The following ARHGAP32 variants were observed in gnomAD, a reference collection of about 807,000 sequenced individuals.
The protein encoded by ARHGAP32 is Rho GTPase activating protein 32, also known as rho GTPase-activating protein 32.
In ARHGAP32, 51 loss-of-function variants were observed where a neutral mutation model predicts 186.5. The observed-to-expected ratio is 0.27, with a 90% CI of 0.22 to 0.35. The LOEUF (loss-of-function observed/expected upper bound fraction) is 0.35, where lower values mean the gene tolerates loss of function less well. ARHGAP32 is among the 10% of genes least tolerant of loss of function. The pLI is 1.00. For missense variants in ARHGAP32, 2,186 were observed against 2,623.5 expected (o/e 0.83, Z 3.64); for synonymous variants, 950 against 964.3 (o/e 0.99, Z 0.27).
chr11:129,190,154 G>A (rs1031287592), intron 1 of ARHGAP32, among the ~76,000 whole-genome samples: 1 of 152,148 alleles, frequency 6.6e-6, no homozygotes, highest in Non-Finnish European at 1.5e-5. Flanking sequence ...ATACCACACT[G>A]AGTCTACTAT....
Position 128,969,286 on chromosome 11 carries a change from T to A in ARHGAP32, c.5927A>T (p.His1976Leu), listed in dbSNP as rs564817194. 1.1e-5 allele frequency: 17 copies of A among 1,614,028 alleles called. No homozygotes were observed. The South Asian group carries it at 1.9e-4, about 18-fold the overall frequency. The change falls in exon 23 of 23, where the codon CAC becomes CTC. Residue 1976 changes from histidine to leucine, a missense_variant. Transcript: ENST00000682385. The surrounding 1 kb of genome is among the most constrained non-coding windows in gnomAD (Gnocchi z 4.8). ...WVRQPSAPEK[H>L]SRDCYKEEEH... ...TTCCTCCTTGTAGCAGTCTCTGGAG[T>A]GTTTCTCTGGGGCAGAAGGCTGCCT...
At chr11:129,136,487 T>G (rs539921697) in intron 2 of ARHGAP32, among the ~76,000 whole-genome samples, 27 of 152,212 alleles carry the variant, frequency 1.8e-4, no homozygotes, top group Admixed American at 1.6e-3. Flanking sequence ...CTTCTCTGTA[T>G]GTAAGATATA....
intron 1 of ARHGAP32, among the ~76,000 whole-genome samples, chr11:129,198,574 C>T (rs1273275319): frequency 6.6e-6 from 1 of 152,190 alleles, no homozygotes; most frequent in Non-Finnish European, 1.5e-5. Flanking sequence ...TCTTTGCTGG[C>T]TGCCATGTAA....
chr11:128,966,185 T>C lies in ARHGAP32; in HGVS notation c.*2722A>G, dbSNP rs1389541388. On this transcript the variant is annotated 3_prime_UTR_variant, in exon 23 of 23. Transcript: ENST00000682385. ...GCCAAAAAGATAAAATCTGGAGGCA[T>C]GGCTATGAAAATGTCAATAGGATTA... 1 of 152,222 alleles carries C rather than the reference T, an allele frequency of 6.6e-6. No individual in the cohort carries two copies. The highest frequency in any genetic ancestry group is 1.9e-4 in the East Asian group (1 of 5,204). The allele number at this position is 152,222 out of a possible 1,614,324, so 9.4% of individuals were successfully genotyped here.
At chr11:129,228,067 A>G (rs1944809667) in intron 1 of ARHGAP32, among the ~76,000 whole-genome samples, 1 of 152,284 alleles carries the variant, frequency 6.6e-6, no homozygotes, top group South Asian at 2.1e-4. Context: ...TTAGAGATTA[A>G]TAACAAGGAG....
chr11:129,086,025 A>G (rs571055064), intron 6 of ARHGAP32, among the ~76,000 whole-genome samples: 9 of 151,420 alleles, frequency 5.9e-5, no homozygotes, highest in Admixed American at 1.3e-4. Flanking sequence ...AACAAAAAAA[A>G]AAAACAAAAA....
intron 1 of ARHGAP32, among the ~76,000 whole-genome samples, chr11:129,241,842 A>C (rs1372425890): frequency 6.6e-6 from 1 of 152,222 alleles, no homozygotes; most frequent in Admixed American, 6.5e-5. Context: ...AAAATTTTAA[A>C]AAGTATTCAG....
upstream of ARHGAP32, among the ~76,000 whole-genome samples, chr11:129,192,507 C>A (rs1407009268): frequency 1.3e-5 from 2 of 152,170 alleles, no homozygotes; most frequent in Admixed American, 6.5e-5. Context: ...AATGACTCTT[C>A]TCAAAGTTTC....
chr11:129,011,064 G>C (rs1231585109), intron 11 of ARHGAP32, among the ~76,000 whole-genome samples: 1 of 152,184 alleles, frequency 6.6e-6, no homozygotes, highest in East Asian at 1.9e-4. Flanking sequence ...ATGGGGAACA[G>C]GAGAGACAAG....
At chr11:129,129,549 T>C (rs1226079993) in intron 2 of ARHGAP32, among the ~76,000 whole-genome samples, 1 of 152,222 alleles carries the variant, frequency 6.6e-6, no homozygotes, top group Non-Finnish European at 1.5e-5. Flanking sequence ...AACAGCTCAT[T>C]GAGAACGGGC....
intron 11 of ARHGAP32, among the ~76,000 whole-genome samples, chr11:129,018,880 T>G (rs1020291284): frequency 2.6e-5 from 4 of 152,194 alleles, no homozygotes; most frequent in Non-Finnish European, 5.9e-5. Context: ...ATATACCCTT[T>G]TGAAACTTTT....
At chr11:129,060,039 T>A (rs1940426580) in intron 10 of ARHGAP32, among the ~76,000 whole-genome samples, 1 of 152,190 alleles carries the variant, frequency 6.6e-6, no homozygotes, top group Admixed American at 6.5e-5. Context: ...AATAATTTGT[T>A]TTGGCAATAA....
At chr11:129,209,378 C>G (rs1944552075) in intron 1 of ARHGAP32, among the ~76,000 whole-genome samples, 1 of 148,698 alleles carries the variant, frequency 6.7e-6, no homozygotes, top group African/African-American at 2.5e-5. Context: ...AGGGCAATAA[C>G]AAGAAGACGG....
intron 6 of ARHGAP32, among the ~76,000 whole-genome samples, chr11:129,075,954 T>C (rs764008889): frequency 2.6e-5 from 4 of 151,858 alleles, no homozygotes; most frequent in African/African-American, 4.8e-5. Flanking sequence ...AAAATACAGA[T>C]CACAAAGACC....
At chr11:129,179,146 C>A (rs1943990617) in intron 1 of ARHGAP32, among the ~76,000 whole-genome samples, 1 of 152,026 alleles carries the variant, frequency 6.6e-6, no homozygotes, top group Non-Finnish European at 1.5e-5. Flanking sequence ...CATGAACAGA[C>A]ACTTCTCAAA....
intron 2 of ARHGAP32, among the ~76,000 whole-genome samples, chr11:129,154,904 T>C (rs1212460979): frequency 6.6e-6 from 1 of 152,154 alleles, no homozygotes; most frequent in Non-Finnish European, 1.5e-5. Flanking sequence ...AAAAATTGTA[T>C]GATAAAGAAG....
chr11:129,049,589 T>C (rs965008802), intron 10 of ARHGAP32, among the ~76,000 whole-genome samples: 1 of 152,226 alleles, frequency 6.6e-6, no homozygotes, highest in African/African-American at 2.4e-5. Context: ...TATCACGATA[T>C]ATTACTTTCC....
At chr11:129,225,808 A>G (rs953831986) in intron 1 of ARHGAP32, among the ~76,000 whole-genome samples, 3 of 152,184 alleles carry the variant, frequency 2.0e-5, no homozygotes, top group Non-Finnish European at 2.9e-5. Flanking sequence ...TGGCTGTATT[A>G]GACAAATATT....
chr11:129,062,386 G>T, intron 9 of ARHGAP32, 29 bp from the exon 10 acceptor site: 1 of 1,583,644 alleles, frequency 6.3e-7, no homozygotes, highest in South Asian at 1.1e-5. Context: ...TAAGCAAAAT[G>T]GTTTTAGTTA....
Sources: gnomAD v4.1 joint callset for allele counts (sites outside exome capture counted in the v4.1 genomes callset) on GRCh38, gnomAD v4.1.1 for gene constraint, Gnocchi (gnomAD v3.1) non-coding constraint, MANE v1.5 for transcripts, NCBI Gene and HGNC (gene_info 2026-07-23, HGNC 2026-07-21) for gene names.